Variants in EPHB1 observed in about 807,000 individuals in gnomAD.
EPHB1 encodes the protein EPH receptor B1.
In EPHB1, 30 loss-of-function variants were observed where a neutral mutation model predicts 94.4. That is an observed-to-expected ratio of 0.32 (90% CI 0.24 to 0.43). The LOEUF is 0.43. EPHB1 is among the 20% of genes least tolerant of loss of function. The pLI, the probability that EPHB1 is intolerant of heterozygous loss-of-function variation, is 1.00. For missense variants in EPHB1, 1,055 were observed against 1,308.3 expected (o/e 0.81, Z 2.99); for synonymous variants, 522 against 489.1 (o/e 1.07, Z -0.89).
intron 4 of EPHB1, among the ~76,000 whole-genome samples, chr3:135,116,875 C>T (rs1238662668): frequency 6.6e-6 from 1 of 152,218 alleles, no homozygotes; most frequent in Non-Finnish European, 1.5e-5. Context: ...TGGTACCAGC[C>T]AACCTTTCCC....
chr3:135,126,937 A>G (rs1016999678), intron 4 of EPHB1, among the ~76,000 whole-genome samples: 1 of 152,172 alleles, frequency 6.6e-6, no homozygotes, highest in South Asian at 2.1e-4. Context: ...TCTTAATTAC[A>G]TGAGCAGGTG....
chr3:135,175,819 C>T (rs1183452371), intron 9 of EPHB1, among the ~76,000 whole-genome samples: 5 of 152,272 alleles, frequency 3.3e-5, no homozygotes, highest in East Asian at 1.9e-4. Context: ...AATCTGAGAA[C>T]GTTTTCTGAG....
intron 12 of EPHB1, among the ~76,000 whole-genome samples, chr3:135,221,610 T>C (rs1049513175): frequency 4.6e-5 from 7 of 152,108 alleles, no homozygotes; most frequent in Admixed American, 3.9e-4. Context: ...CCCTCAGCAG[T>C]TGAGGCTGAA....
At chr3:134,865,290 G>A (rs946206752) in intron 1 of EPHB1, among the ~76,000 whole-genome samples, 32 of 152,026 alleles carry the variant, frequency 2.1e-4, no homozygotes, top group African/African-American at 7.5e-4. Flanking sequence ...TGGATTTCAT[G>A]TCTCAGTAAT....
At chr3:135,009,118 A>T (rs1467518202) in intron 3 of EPHB1, among the ~76,000 whole-genome samples, 1 of 152,118 alleles carries the variant, frequency 6.6e-6, no homozygotes, top group East Asian at 1.9e-4. Context: ...GCAGGAGCAG[A>T]TGTGAGGGTA....
At chr3:134,835,567 G>A (rs74343142) in intron 1 of EPHB1, among the ~76,000 whole-genome samples, 2 of 152,194 alleles carry the variant, frequency 1.3e-5, no homozygotes, top group African/African-American at 4.8e-5. Flanking sequence ...GAGGTGAAGT[G>A]ATTTGCTTCA....
intron 1 of EPHB1, among the ~76,000 whole-genome samples, chr3:134,850,183 C>T (rs1467126328): frequency 6.6e-6 from 1 of 152,210 alleles, no homozygotes; most frequent in Non-Finnish European, 1.5e-5. Context: ...AAATGTGCTA[C>T]ATTCCTTTCT....
chr3:135,144,782 A>T (rs1193003518), intron 5 of EPHB1, among the ~76,000 whole-genome samples: 1 of 152,106 alleles, frequency 6.6e-6, no homozygotes, highest in Non-Finnish European at 1.5e-5. Context: ...TTTTTATCCC[A>T]TTCACATCTA....
At chr3:135,097,661 T>C (rs1372784986) in intron 3 of EPHB1, among the ~76,000 whole-genome samples, 1 of 152,228 alleles carries the variant, frequency 6.6e-6, no homozygotes, top group Admixed American at 6.5e-5. Flanking sequence ...TCATGGTGCC[T>C]GCAGCATTCA....
chr3:135,052,890 A>AAAAAAAAAATAT, intron 3 of EPHB1, among the ~76,000 whole-genome samples: 1 of 54,618 alleles, frequency 1.8e-5, no homozygotes, highest in Non-Finnish European at 2.9e-5. Flanking sequence ...AAAAAAAAAA[A>AAAAAAAAAATAT]ATATATATAT....
At chr3:135,141,427 G>A (rs375974561) in intron 5 of EPHB1, among the ~76,000 whole-genome samples, 70 of 152,256 alleles carry the variant, frequency 4.6e-4, no homozygotes, top group African/African-American at 1.6e-3. Flanking sequence ...AGTAAACCCT[G>A]CCCCTCAGCA....
chr3:135,211,558 A>G (rs1293988168), intron 12 of EPHB1, among the ~76,000 whole-genome samples: 6 of 152,146 alleles, frequency 3.9e-5, no homozygotes, highest in South Asian at 2.1e-4. Flanking sequence ...TTTTTGCTAG[A>G]TATACACTTC....
intron 3 of EPHB1, among the ~76,000 whole-genome samples, chr3:135,022,581 T>C (rs1441714983): frequency 1.3e-5 from 2 of 152,228 alleles, no homozygotes; most frequent in Admixed American, 1.3e-4. Flanking sequence ...TTATTTGTTC[T>C]TGTGTCACAA....
At chr3:134,997,515 A>C (rs1160970897) in intron 3 of EPHB1, among the ~76,000 whole-genome samples, 5 of 151,954 alleles carry the variant, frequency 3.3e-5, no homozygotes, top group African/African-American at 1.2e-4. Context: ...CTGTTTTCCA[A>C]ATCTTTCACC....
At chr3:135,193,499 C>T (rs922479709) in intron 11 of EPHB1, among the ~76,000 whole-genome samples, 2 of 152,100 alleles carry the variant, frequency 1.3e-5, no homozygotes, top group African/African-American at 2.4e-5. Context: ...TCACTGAGCA[C>T]CTAGAGGAAG....
At chr3:135,236,729 A>T (rs1412441636) in intron 12 of EPHB1, among the ~76,000 whole-genome samples, 1 of 152,232 alleles carries the variant, frequency 6.6e-6, no homozygotes, top group Admixed American at 6.5e-5. Flanking sequence ...CAAGTCCATG[A>T]ACACAATACT....
At chr3:135,211,067 A>G (rs1383523384) in intron 12 of EPHB1, among the ~76,000 whole-genome samples, 1 of 152,180 alleles carries the variant, frequency 6.6e-6, no homozygotes, top group Non-Finnish European at 1.5e-5. Flanking sequence ...TACTTTTTTC[A>G]TAGTTACTCT....
At chr3:134,894,003 C>T (rs1457109032) in intron 1 of EPHB1, among the ~76,000 whole-genome samples, 2 of 152,202 alleles carry the variant, frequency 1.3e-5, no homozygotes, top group South Asian at 4.1e-4. Context: ...AATTTGCTTC[C>T]TCTGTTTTTC....
intron 4 of EPHB1, among the ~76,000 whole-genome samples, chr3:135,119,853 A>G (rs1254954678): frequency 2.0e-5 from 3 of 152,094 alleles, no homozygotes; most frequent in Admixed American, 6.5e-5. Flanking sequence ...ATTCTTTTTT[A>G]TCTTATTAAA....
Sources: allele counts gnomAD v4.1 joint callset (sites outside exome capture counted in the v4.1 genomes callset), GRCh38; gene constraint gnomAD v4.1.1; transcripts MANE v1.5; gene names NCBI Gene and HGNC (gene_info 2026-07-23, HGNC 2026-07-21).